The following HSD17B12 variants were observed in gnomAD, a reference collection of about 807,000 sequenced individuals.
The protein encoded by HSD17B12 is very-long-chain 3-oxoacyl-CoA reductase.
Under a neutral mutation model 39.3 loss-of-function variants are expected in HSD17B12, and 32 were observed. That is an observed-to-expected ratio of 0.81 (90% CI 0.61 to 1.09). The LOEUF (loss-of-function observed/expected upper bound fraction) is 1.09, where lower values mean the gene tolerates loss of function less well. Among genes scored for constraint, HSD17B12 ranks in the 50% least tolerant of loss-of-function variants. The pLI is 0.00. For synonymous variants in HSD17B12, 150 were observed against 146.7 expected, an observed-to-expected ratio of 1.02 and a Z score of -0.16; for missense variants, 342 against 382.9, an observed-to-expected ratio of 0.89 and a Z score of 0.89.
At chr11:43,706,714 G>GTGTGTGTGTGTT (rs1235120474) in intron 1 of HSD17B12, among the ~76,000 whole-genome samples, 2 of 151,170 alleles carry the variant, frequency 1.3e-5, no homozygotes, top group Non-Finnish European at 2.9e-5. Flanking sequence ...GTGTGTGTGT[G>GTGTGTGTGTGTT]TGTGTGTTGT....
intron 1 of HSD17B12, among the ~76,000 whole-genome samples, chr11:43,684,641 G>A (rs1449643200): frequency 6.6e-6 from 1 of 152,160 alleles, no homozygotes; most frequent in Non-Finnish European, 1.5e-5. Flanking sequence ...TACACGCAGT[G>A]AAGAATAAAT....
chr11:43,627,287 T>A, the HSD17B12 span, among the ~76,000 whole-genome samples: 1 of 151,898 alleles, frequency 6.6e-6, no homozygotes, highest in Non-Finnish European at 1.5e-5. Flanking sequence ...AAGAAAAAAA[T>A]ACTTATGCTT....
intron 4 of HSD17B12, 111 bp downstream of exon 4, chr11:43,798,538 T>C (rs999499205): frequency 1.6e-6 from 1 of 640,314 alleles, no homozygotes; most frequent in African/African-American, 1.8e-5. Flanking sequence ...TATGATTACG[T>C]AAGACATTAT....
chr11:43,719,505 T>G (rs555980806), intron 1 of HSD17B12, among the ~76,000 whole-genome samples: 2 of 152,058 alleles, frequency 1.3e-5, no homozygotes, highest in South Asian at 4.2e-4. Context: ...TTCAGGCGAG[T>G]ATGGGTTGGC....
At chr11:43,574,869 T>G in the HSD17B12 span, among the ~76,000 whole-genome samples, 27 of 152,306 alleles carry the variant, frequency 1.8e-4, no homozygotes, top group African/African-American at 6.5e-4. Flanking sequence ...CTTTGTTGAA[T>G]TTTCTCCTCC....
At chr11:43,741,272 A>G (rs1950361994) in intron 1 of HSD17B12, among the ~76,000 whole-genome samples, 1 of 152,220 alleles carries the variant, frequency 6.6e-6, no homozygotes, top group Non-Finnish European at 1.5e-5. Context: ...GCAATTAAAC[A>G]GTAATCAAGT....
In HSD17B12 at chr11:43,798,341, CAAG is replaced by C. The variant is rs1565093323; in HGVS notation, c.308_310del (p.Arg103del). On this transcript the variant is annotated inframe_deletion, in exon 4 of 11. Transcript: ENST00000278353. ...CTAGAAGAAAAATTCAAAGTGGAGA[CAAG>C]AACCATTGCTGTTGACTTTGCATCA... 6.2e-7 allele frequency: 1 copy of C among 1,610,492 alleles called. No homozygotes were observed. The highest frequency in any genetic ancestry group is 2.2e-5 in the East Asian group (1 of 44,754).
the HSD17B12 span, among the ~76,000 whole-genome samples, chr11:43,591,873 A>C: frequency 2.6e-5 from 4 of 152,096 alleles, no homozygotes; most frequent in Non-Finnish European, 4.4e-5. Flanking sequence ...ACACAAAGAA[A>C]ATGTAACTTT....
At chr11:43,716,686 A>G (rs1039451540) in intron 1 of HSD17B12, among the ~76,000 whole-genome samples, 81 of 149,588 alleles carry the variant, frequency 5.4e-4, no homozygotes, top group African/African-American at 1.9e-3. Context: ...ACAATAAATT[A>G]TACTGTACTC....
chr11:43,577,288 T>C, the HSD17B12 span, among the ~76,000 whole-genome samples: 1 of 152,110 alleles, frequency 6.6e-6, no homozygotes, highest in South Asian at 2.1e-4. Flanking sequence ...ACGAGAGGGT[T>C]AAGGATGTTC....
intron 1 of HSD17B12, among the ~76,000 whole-genome samples, chr11:43,734,992 A>G (rs1950304059): frequency 1.3e-5 from 2 of 152,064 alleles, no homozygotes; most frequent in African/African-American, 4.8e-5. Context: ...GGACTTACCT[A>G]TTTATTCTGG....
chr11:43,742,216 C>G (rs1950374320), intron 1 of HSD17B12, among the ~76,000 whole-genome samples: 4 of 149,974 alleles, frequency 2.7e-5, no homozygotes, highest in African/African-American at 9.8e-5. Flanking sequence ...TAACTCACTT[C>G]ATCCTCAACT....
the HSD17B12 span, chr11:43,644,285 G>T: frequency 6.6e-6 from 1 of 152,302 alleles, no homozygotes; most frequent in Non-Finnish European, 1.5e-5. Context: ...GAGGGTTTCT[G>T]CCTTTCGGAG....
At chr11:43,632,583 G>A in the HSD17B12 span, among the ~76,000 whole-genome samples, 1 of 151,966 alleles carries the variant, frequency 6.6e-6, no homozygotes, top group African/African-American at 2.4e-5. Flanking sequence ...AAGGGGAGGT[G>A]GCCAACAAAC....
chr11:43,840,748 C>A (rs902950223), intron 9 of HSD17B12, among the ~76,000 whole-genome samples: 1 of 152,142 alleles, frequency 6.6e-6, no homozygotes, highest in African/African-American at 2.4e-5. Flanking sequence ...TGTATATAGA[C>A]CACATTTTGC....
rs1250951236 is a variant in HSD17B12, at chr11:43,788,704, AAAAAAG to A, written c.284-9613_284-9608del. Among the ~76,000 whole-genome samples, 1,107 of 151,452 alleles carry A rather than the reference AAAAAAG, an allele frequency of 7.3e-3. 9 individuals carry two copies. Among genetic ancestry groups the A allele is most frequent in the African/African-American group, 0.026 (1,050 of 41,154 alleles). On this transcript the variant is annotated intron_variant, in intron 3 of 10. Coordinates refer to ENST00000278353, the MANE Select transcript of HSD17B12 (RefSeq NM_016142.3). ...CTTCCTCAAAAAAAAAAAAAAAAAA[AAAAAAG>A]AAGTGTGATCTTGTAACTTCCCAGT...
chr11:43,692,517 C>A (rs1949872125), intron 1 of HSD17B12, among the ~76,000 whole-genome samples: 3 of 152,142 alleles, frequency 2.0e-5, no homozygotes, highest in Non-Finnish European at 4.4e-5. Flanking sequence ...AACACTCTGC[C>A]ATATTTAATA....
chr11:43,657,658 T>C, the HSD17B12 span, among the ~76,000 whole-genome samples: 2 of 152,192 alleles, frequency 1.3e-5, no homozygotes, highest in Non-Finnish European at 2.9e-5. Flanking sequence ...CCTTCACTTA[T>C]GAAGCTTAGT....
At chr11:43,704,408 A>G (rs190328976) in intron 1 of HSD17B12, among the ~76,000 whole-genome samples, 123 of 152,282 alleles carry the variant, frequency 8.1e-4, no homozygotes, top group African/African-American at 2.8e-3. Context: ...TGTGTTTGTG[A>G]TAAAGTATGA....
Sources: gnomAD v4.1 joint callset for allele counts (sites outside exome capture counted in the v4.1 genomes callset) on GRCh38, gnomAD v4.1.1 for gene constraint, MANE v1.5 for transcripts, NCBI Gene and HGNC (gene_info 2026-07-23, HGNC 2026-07-21) for gene names.